The following SAMTOR variants were observed in gnomAD, a reference collection of about 807,000 sequenced individuals.
The protein encoded by SAMTOR is S-adenosylmethionine sensor upstream of mTORC1.
chr7:112,908,773 G>C, the SAMTOR span, among the ~76,000 whole-genome samples: 3 of 152,132 alleles, frequency 2.0e-5, no homozygotes, highest in Admixed American at 2.0e-4. Context: ...ACCCATAGGA[G>C]GTGTTACCCG....
At chr7:112,921,005 A>G in the SAMTOR span, among the ~76,000 whole-genome samples, 3,538 of 152,326 alleles carry the variant, frequency 0.023, 140 homozygotes, top group African/African-American at 0.08. Context: ...CAATATGGTG[A>G]AAATGGCCAT....
chr7:112,898,476 A>C, the SAMTOR span, among the ~76,000 whole-genome samples: 1 of 152,276 alleles, frequency 6.6e-6, no homozygotes, highest in Admixed American at 6.5e-5. Flanking sequence ...CAGTAAAACA[A>C]AGCACCAGGC....
the SAMTOR span, among the ~76,000 whole-genome samples, chr7:112,846,873 T>C: frequency 6.6e-6 from 1 of 152,234 alleles, no homozygotes; most frequent in African/African-American, 2.4e-5. Context: ...ATACCTAATA[T>C]AAATATGAAT....
At chr7:112,902,437 AACAAAAAAAAAC>A in the SAMTOR span, among the ~76,000 whole-genome samples, 446 of 71,264 alleles carry the variant, frequency 6.3e-3, 47 homozygotes, top group African/African-American at 0.029. Context: ...AACAAAAAAA[AACAAAAAAAAAC>A]AAAAAAAAAA....
At chr7:112,853,694 T>A in the SAMTOR span, among the ~76,000 whole-genome samples, 6 of 152,056 alleles carry the variant, frequency 3.9e-5, no homozygotes, top group African/African-American at 1.4e-4. Flanking sequence ...TTCTCTAGAG[T>A]CAGTGAAGGG....
the SAMTOR span, among the ~76,000 whole-genome samples, chr7:112,903,352 A>C: frequency 7.2e-5 from 11 of 152,186 alleles, no homozygotes; most frequent in Admixed American, 5.2e-4. Flanking sequence ...GACAAAAAAG[A>C]AAAGAAAAAA....
the SAMTOR span, chr7:112,939,340 G>A: frequency 1.8e-6 from 1 of 568,140 alleles, no homozygotes; most frequent in African/African-American, 1.9e-5. Flanking sequence ...CAGGGGCTTG[G>A]AGGGGGTGGG....
the SAMTOR span, chr7:112,832,730 C>T: frequency 8.8e-7 from 1 of 1,132,030 alleles, no homozygotes; most frequent in East Asian, 2.4e-5. Context: ...TAAGAAATCA[C>T]ATAGATTATC....
the SAMTOR span, among the ~76,000 whole-genome samples, chr7:112,844,217 A>G: frequency 6.6e-6 from 1 of 152,296 alleles, no homozygotes; most frequent in Admixed American, 6.5e-5. Context: ...AAACCAGCAC[A>G]TGACAAGGAT....
chr7:112,844,320 G>A, the SAMTOR span, among the ~76,000 whole-genome samples: 1,377 of 152,116 alleles, frequency 9.1e-3, 19 homozygotes, highest in African/African-American at 0.031. Flanking sequence ...AAATATAATA[G>A]AAAGGAAGTC....
the SAMTOR span, among the ~76,000 whole-genome samples, chr7:112,887,168 T>C: frequency 1.3e-5 from 2 of 151,698 alleles, no homozygotes; most frequent in Non-Finnish European, 2.9e-5. Flanking sequence ...CGAGACTCCA[T>C]CTCAAAATAA....
chr7:112,925,017 G>A, the SAMTOR span, among the ~76,000 whole-genome samples: 1 of 152,124 alleles, frequency 6.6e-6, no homozygotes, highest in African/African-American at 2.4e-5. Flanking sequence ...ACCACATACC[G>A]AAGTTCATTT....
chr7:112,884,289 C>A, the SAMTOR span, among the ~76,000 whole-genome samples: 7 of 152,064 alleles, frequency 4.6e-5, no homozygotes, highest in Non-Finnish European at 1.0e-4. Context: ...ATGTCATGTC[C>A]TCACATTTCA....
chr7:112,828,626 A>C, the SAMTOR span, among the ~76,000 whole-genome samples: 2 of 152,076 alleles, frequency 1.3e-5, no homozygotes, highest in African/African-American at 4.8e-5. Context: ...GGTTGACATA[A>C]TTCAACCCGA....
the SAMTOR span, among the ~76,000 whole-genome samples, chr7:112,917,542 TCTC>T: frequency 6.6e-6 from 1 of 152,052 alleles, no homozygotes; most frequent in Non-Finnish European, 1.5e-5. Context: ...GCAGAGCGCC[TCTC>T]CTCCTCCAAA....
the SAMTOR span, among the ~76,000 whole-genome samples, chr7:112,894,110 T>G: frequency 6.7e-6 from 1 of 148,392 alleles, no homozygotes; most frequent in Non-Finnish European, 1.5e-5. Flanking sequence ...GTTTATTAAC[T>G]GGCCAAATTT....
the SAMTOR span, among the ~76,000 whole-genome samples, chr7:112,887,372 A>G: frequency 4.6e-5 from 7 of 151,882 alleles, no homozygotes; most frequent in Non-Finnish European, 7.4e-5. Context: ...TGTTTATACA[A>G]TCAGTCAGGA....
the SAMTOR span, among the ~76,000 whole-genome samples, chr7:112,861,587 A>T: frequency 6.6e-6 from 1 of 152,158 alleles, no homozygotes; most frequent in South Asian, 2.1e-4. Flanking sequence ...CTTTTCTCTA[A>T]AACAGTTGGT....
At chr7:112,869,436 A>G in the SAMTOR span, among the ~76,000 whole-genome samples, 4 of 152,114 alleles carry the variant, frequency 2.6e-5, no homozygotes, top group African/African-American at 7.2e-5. Flanking sequence ...ACCAAGCAAC[A>G]TCCGAGAAAG....
Sources: gnomAD v4.1 joint callset for allele counts (sites outside exome capture counted in the v4.1 genomes callset) on GRCh38, gnomAD v4.1.1 for gene constraint, MANE v1.5 for transcripts, NCBI Gene and HGNC (gene_info 2026-07-23, HGNC 2026-07-21) for gene names.